The following RCAN2 variants were observed in gnomAD, a reference collection of about 807,000 sequenced individuals.
RCAN2 encodes calcipressin-2.
Under a neutral mutation model 23.6 loss-of-function variants are expected in RCAN2, and 9 were observed. The observed-to-expected ratio is 0.38, with a 90% CI of 0.23 to 0.67. RCAN2 has a LOEUF of 0.67. Ranked by LOEUF, RCAN2 falls within the 30% of genes least tolerant of loss-of-function variation. The pLI is 0.51. For synonymous variants in RCAN2, 109 were observed against 115.7 expected (o/e 0.94, Z 0.37); for missense variants, 273 against 302.3 (o/e 0.90, Z 0.72).
chr6:46,233,229 G>T (rs150981431), intron 4 of RCAN2, among the ~76,000 whole-genome samples: 2 of 152,168 alleles, frequency 1.3e-5, no homozygotes, highest in African/African-American at 2.4e-5. Context: ...TGAGTTAACC[G>T]CATCCAGGGT....
At chr6:46,349,133 A>T (rs902992361) in intron 2 of RCAN2, among the ~76,000 whole-genome samples, 1 of 152,206 alleles carries the variant, frequency 6.6e-6, no homozygotes, top group Admixed American at 6.5e-5. Flanking sequence ...ATTATAACTT[A>T]CTTGTTTCAC....
intron 2 of RCAN2, among the ~76,000 whole-genome samples, chr6:46,251,099 A>G (rs1391756314): frequency 9.9e-5 from 15 of 152,068 alleles, no homozygotes; most frequent in Admixed American, 9.8e-4. Context: ...TCGCATTTTC[A>G]GTTTTTTTCT....
At chr6:46,339,014 C>CAAA (rs3997300) in intron 2 of RCAN2, among the ~76,000 whole-genome samples, 18 of 47,094 alleles carry the variant, frequency 3.8e-4, no homozygotes, top group African/African-American at 6.3e-4. Context: ...GACCCTGTCT[C>CAAA]AAAAAAAAAA....
chr6:46,483,579 T>TA (rs1245509471), intron 1 of RCAN2, among the ~76,000 whole-genome samples: 3 of 151,952 alleles, frequency 2.0e-5, no homozygotes, highest in African/African-American at 7.3e-5. Context: ...TCTGACTGAG[T>TA]AAGTAATTCA....
At chr6:46,352,133 C>A (rs529731814) in intron 2 of RCAN2, among the ~76,000 whole-genome samples, 3 of 152,158 alleles carry the variant, frequency 2.0e-5, no homozygotes, top group Non-Finnish European at 2.9e-5. Context: ...TCTAAGGAGG[C>A]CTCTCCTGGG....
intron 2 of RCAN2, among the ~76,000 whole-genome samples, chr6:46,270,272 A>C (rs991680911): frequency 2.6e-5 from 4 of 151,922 alleles, no homozygotes; most frequent in African/African-American, 9.7e-5. Context: ...AGAAGCGCTG[A>C]CTCTGAGGGC....
At chr6:46,459,779 C>T (rs1768157964) in intron 1 of RCAN2, among the ~76,000 whole-genome samples, 1 of 152,208 alleles carries the variant, frequency 6.6e-6, no homozygotes, top group African/African-American at 2.4e-5. Flanking sequence ...GGGAATGAAA[C>T]AGGAGCGGAA....
At chr6:46,368,929 T>A (rs969251052) in intron 2 of RCAN2, among the ~76,000 whole-genome samples, 11 of 152,232 alleles carry the variant, frequency 7.2e-5, no homozygotes, top group African/African-American at 2.4e-4. Context: ...AACTTTTTAA[T>A]GTTATAAACT....
rs533180247 is a variant in RCAN2 at position 46,476,438 on chromosome 6, A to G, written c.-3+14735T>C. ...TCATCCAATCTATTCAAAAATTTCA[A>G]TAATACTTCATGAGTGCTTGTTACA... is the stretch of plus-strand genomic sequence containing the variant. On this transcript the variant is annotated intron_variant, in intron 1 of 4. Coordinates refer to ENST00000371374, the MANE Select transcript of RCAN2 (RefSeq NM_001251974.2). Among the ~76,000 whole-genome samples the G allele has an allele frequency of 4.3e-4, 66 of 152,346 alleles. No individual in the cohort carries two copies. In the South Asian group the frequency reaches 0.012, roughly 28 times the overall value.
Position 46,313,984 on chromosome 6 carries a change from A to T in RCAN2, c.226-65088T>A, listed in dbSNP as rs527260373. Reference sequence around the variant, plus strand: ...TAATAATTCAAATCTACTCTTATTTATTCAAGCAACAAATAGTGGGGGGCT... The same window carrying T: ...TAATAATTCAAATCTACTCTTATTTTTTCAAGCAACAAATAGTGGGGGGCT... On this transcript the variant is annotated intron_variant, in intron 2 of 4. Transcript: ENST00000371374. Among the ~76,000 whole-genome samples, 3 of 140,952 alleles carry T rather than the reference A, an allele frequency of 2.1e-5. No homozygotes were observed. In the East Asian group the frequency reaches 6.2e-4, roughly 29 times the overall value. The allele number at this position is 140,952 out of a possible 152,430, so 92.5% of individuals were successfully genotyped here.
intron 2 of RCAN2, among the ~76,000 whole-genome samples, chr6:46,378,602 G>C (rs1409726704): frequency 9.2e-5 from 14 of 152,214 alleles, no homozygotes. Flanking sequence ...CAATATGTGA[G>C]ACATTAAAAA....
chr6:46,226,391 A>G (rs1765664795), intron 4 of RCAN2, among the ~76,000 whole-genome samples: 1 of 152,108 alleles, frequency 6.6e-6, no homozygotes, highest in African/African-American at 2.4e-5. Flanking sequence ...GGCCATTTTC[A>G]TGATATTGAT....
chr6:46,395,683 C>CT (rs1359983884), intron 2 of RCAN2, among the ~76,000 whole-genome samples: 1 of 152,194 alleles, frequency 6.6e-6, no homozygotes, highest in Non-Finnish European at 1.5e-5. Context: ...AACGTTAAGG[C>CT]TAACAGGGTT....
intron 2 of RCAN2, among the ~76,000 whole-genome samples, chr6:46,444,440 T>C (rs947137): frequency 0.52 from 78,606 of 151,988 alleles, 20,635 homozygotes; most frequent in East Asian, 0.61. Flanking sequence ...TTGAGTATAT[T>C]CTTTATTTCC....
intron 2 of RCAN2, among the ~76,000 whole-genome samples, chr6:46,440,740 A>T (rs1212526992): frequency 6.6e-6 from 1 of 152,170 alleles, no homozygotes; most frequent in Non-Finnish European, 1.5e-5. Flanking sequence ...AAACACATAA[A>T]TCACATAATC....
intron 4 of RCAN2, among the ~76,000 whole-genome samples, chr6:46,238,747 C>T (rs1162204806): frequency 6.6e-6 from 1 of 151,996 alleles, no homozygotes; most frequent in African/African-American, 2.4e-5. Context: ...GAGACAGGGG[C>T]CTCATTACAT....
intron 2 of RCAN2, among the ~76,000 whole-genome samples, chr6:46,349,588 A>T (rs765592695): frequency 1.1e-4 from 17 of 152,104 alleles, no homozygotes; most frequent in Non-Finnish European, 2.2e-4. Flanking sequence ...TAGAAAAAAA[A>T]AAAAATCTGC....
chr6:46,232,129 T>G (rs146397826), intron 4 of RCAN2, among the ~76,000 whole-genome samples: 2 of 152,226 alleles, frequency 1.3e-5, no homozygotes, highest in African/African-American at 2.4e-5. Flanking sequence ...AGGAAGGAGA[T>G]GACTGCCTGA....
chr6:46,480,970 G>A (rs1768843328), intron 1 of RCAN2, among the ~76,000 whole-genome samples: 1 of 152,224 alleles, frequency 6.6e-6, no homozygotes. Flanking sequence ...AGGCTTTAAA[G>A]ACATTTGAAG....
Sources: gnomAD v4.1 joint callset for allele counts (sites outside exome capture counted in the v4.1 genomes callset) on GRCh38, gnomAD v4.1.1 for gene constraint, MANE v1.5 for transcripts, NCBI Gene and HGNC (gene_info 2026-07-23, HGNC 2026-07-21) for gene names.